Variants in CUX2 observed in about 807,000 individuals in gnomAD.
The protein encoded by CUX2 is cut like homeobox 2.
In CUX2, 40 loss-of-function variants were observed where a neutral mutation model predicts 144.8. That is an observed-to-expected ratio of 0.28 (90% CI 0.21 to 0.36). The LOEUF is 0.36. Ranked by LOEUF, CUX2 falls within the 10% of genes least tolerant of loss-of-function variation. The probability of loss-of-function intolerance (pLI) is 1.00; values close to 1 mark genes in which losing one functional copy is unlikely to be tolerated. For missense variants in CUX2, 1,615 were observed against 1,994.0 expected, an observed-to-expected ratio of 0.81 and a Z score of 3.62; for synonymous variants, 827 against 875.6, an observed-to-expected ratio of 0.94 and a Z score of 0.98.
intron 14 of CUX2, among the ~76,000 whole-genome samples, chr12:111,309,836 T>G (rs951642389): frequency 2.6e-5 from 4 of 151,178 alleles, no homozygotes; most frequent in Non-Finnish European, 5.9e-5. Context: ...TCTCTCTCAT[T>G]GTCTCTTTCT....
Position 111,310,740 on chromosome 12 carries a change from G to A in CUX2, c.1900+58G>A. On this transcript the variant is annotated intron_variant, in intron 15 of 21. Transcript: ENST00000261726. The surrounding 1 kb of genome is among the most constrained non-coding windows in gnomAD (Gnocchi z 7.9). ...CACCACGCCAGGTCCAGGGCATCAG[G>A]GCTGGGGGCTGAGGACACGCGCTCT... 6.6e-7 allele frequency: 1 copy of A among 1,522,928 alleles called. No homozygotes were observed. The highest frequency in any genetic ancestry group is 1.9e-5 in the Admixed American group (1 of 52,878). 94.3% of individuals were successfully genotyped at this position (1,522,928 alleles called of 1,614,324 possible).
chr12:111,078,625 G>A (rs969325559), intron 1 of CUX2, among the ~76,000 whole-genome samples: 4 of 152,250 alleles, frequency 2.6e-5, no homozygotes, highest in South Asian at 4.2e-4. Flanking sequence ...AGCTATGATC[G>A]TGCCACTACA....
intron 1 of CUX2, chr12:111,100,093 G>A (rs1873117645): frequency 2.2e-6 from 1 of 456,356 alleles, no homozygotes; most frequent in Admixed American, 2.4e-5. Flanking sequence ...GGACGGCTCT[G>A]GAGAGGAGGC....
rs181642413 is a variant in CUX2, at chr12:111,332,704, T to C, written c.2927-1737T>C. On this transcript the variant is annotated intron_variant, in intron 18 of 21. Coordinates refer to ENST00000261726, the MANE Select transcript of CUX2 (RefSeq NM_015267.4). ...GCACTGTACCCAGTTTGAACAGTTA[T>C]TAATTTTGCCATAATCGTGCTCTTT... Among the ~76,000 whole-genome samples the C allele has an allele frequency of 9.9e-4, 151 of 152,320 alleles. 3 individuals are homozygous for C. The highest frequency in any genetic ancestry group is 3.4e-3 in the African/African-American group (143 of 41,582).
intron 3 of CUX2, among the ~76,000 whole-genome samples, chr12:111,247,790 T>A (rs913611340): frequency 6.6e-6 from 1 of 152,216 alleles, no homozygotes; most frequent in Non-Finnish European, 1.5e-5. Flanking sequence ...TCCCCCTAGA[T>A]GATGTCATCT....
chr12:111,115,652 A>G (rs1442164429), intron 1 of CUX2, among the ~76,000 whole-genome samples: 2 of 151,954 alleles, frequency 1.3e-5, no homozygotes, highest in Non-Finnish European at 2.9e-5. Flanking sequence ...TTACTCCTCT[A>G]TCAGGTGCCA....
intron 1 of CUX2, among the ~76,000 whole-genome samples, chr12:111,170,731 C>G (rs1003447171): frequency 6.6e-6 from 1 of 151,982 alleles, no homozygotes; most frequent in East Asian, 1.9e-4. Context: ...TGATTCCAGT[C>G]TTCCCCATTC....
rs1209248150 is a variant in CUX2, at chr12:111,308,348, C to T, written c.1158+15C>T. On this transcript the variant is annotated intron_variant, in intron 13 of 21. Transcript: ENST00000261726. ...GCCTCCCCCAGGTAAGTGTCCCTGC[C>T]ACCATCCCTGCAGGGCAGGCTGCCC... The T allele has an allele frequency of 1.9e-6, 3 of 1,614,140 alleles. No homozygotes were observed. The highest frequency in any genetic ancestry group is 2.2e-5 in the East Asian group (1 of 44,878).
At chr12:111,090,864 C>T (rs1411361396) in intron 1 of CUX2, among the ~76,000 whole-genome samples, 2 of 152,026 alleles carry the variant, frequency 1.3e-5, no homozygotes, top group Non-Finnish European at 1.5e-5. Flanking sequence ...TTTGAGGTCT[C>T]CTTCTCATCT....
intron 20 of CUX2, among the ~76,000 whole-genome samples, chr12:111,339,023 G>T (rs1464930016): frequency 1.3e-5 from 2 of 151,848 alleles, no homozygotes; most frequent in Non-Finnish European, 2.9e-5. Flanking sequence ...ACCTGAGGTC[G>T]GGAGTTCAAG....
chr12:111,264,132 A>G (rs1884266145), intron 4 of CUX2, among the ~76,000 whole-genome samples: 1 of 152,156 alleles, frequency 6.6e-6, no homozygotes, highest in South Asian at 2.1e-4. Flanking sequence ...CTTACCCACT[A>G]GAGCCCCCAT....
chr12:111,298,029 G>A (rs781660878), intron 8 of CUX2, among the ~76,000 whole-genome samples: 53 of 152,148 alleles, frequency 3.5e-4, no homozygotes, highest in Non-Finnish European at 2.6e-4. Flanking sequence ...AAGGCCCTAA[G>A]CATGCATGAA....
At chr12:111,315,040 C>T (rs1592956178) in intron 16 of CUX2, among the ~76,000 whole-genome samples, 1 of 152,048 alleles carries the variant, frequency 6.6e-6, no homozygotes, top group Non-Finnish European at 1.5e-5. Context: ...AGCATCGCAG[C>T]AGAGGAAAAC....
At chr12:111,195,256 A>G (rs1260923989) in intron 1 of CUX2, among the ~76,000 whole-genome samples, 1 of 152,006 alleles carries the variant, frequency 6.6e-6, no homozygotes, top group Non-Finnish European at 1.5e-5. Context: ...TGACTGTTCC[A>G]TCGCTTAAAA....
intron 1 of CUX2, among the ~76,000 whole-genome samples, chr12:111,079,548 C>T (rs941129345): frequency 2.0e-5 from 3 of 152,104 alleles, no homozygotes; most frequent in African/African-American, 4.8e-5. Flanking sequence ...TTGTCTTCCT[C>T]GTTGCTGTTG....
chr12:111,070,149 G>A (rs1274398153), intron 1 of CUX2, among the ~76,000 whole-genome samples: 2 of 152,206 alleles, frequency 1.3e-5, no homozygotes, highest in African/African-American at 4.8e-5. Flanking sequence ...GCCCACAGCA[G>A]CCATGGAGGC....
Position 111,312,237 on chromosome 12 carries a change from C to T in CUX2, c.2002+36C>T, listed in dbSNP as rs755915205. On this transcript the variant is annotated intron_variant, in intron 16 of 21. Coordinates refer to ENST00000261726, the MANE Select transcript of CUX2 (RefSeq NM_015267.4). This position sits in a 1 kb window ranked among gnomAD's most constrained non-coding sequence, Gnocchi z 4.3. ...CCCCTGCAGGCAAAGCCTGAGGCCC[C>T]CGGGGCCAGCTGCGAACAGGAGATG... The T allele has an allele frequency of 2.6e-5, 40 of 1,545,042 alleles. 1 individual carries two copies. In the Admixed American group the frequency reaches 7.5e-4, roughly 29 times the overall value.
chr12:111,145,407 G>A (rs929246439), intron 1 of CUX2, among the ~76,000 whole-genome samples: 3 of 152,114 alleles, frequency 2.0e-5, no homozygotes, highest in African/African-American at 7.2e-5. Context: ...TGCCATCCAG[G>A]CCAATGATTG....
intron 1 of CUX2, among the ~76,000 whole-genome samples, chr12:111,074,875 G>T (rs760637655): frequency 6.6e-6 from 1 of 150,684 alleles, no homozygotes; most frequent in Non-Finnish European, 1.5e-5. Flanking sequence ...TGCCCCTCGG[G>T]CCCAGGCCTG....
Sources: gnomAD v4.1 joint callset for allele counts (sites outside exome capture counted in the v4.1 genomes callset) on GRCh38, gnomAD v4.1.1 for gene constraint, Gnocchi (gnomAD v3.1) non-coding constraint, MANE v1.5 for transcripts, NCBI Gene and HGNC (gene_info 2026-07-23, HGNC 2026-07-21) for gene names.